Variants in HMCN1 observed in about 807,000 individuals in gnomAD.
The protein encoded by HMCN1 is hemicentin-1.
A neutral mutation model predicts 625.9 loss-of-function variants in HMCN1; 321 were observed. The observed-to-expected ratio is 0.51, with a 90% CI of 0.47 to 0.56. The LOEUF (loss-of-function observed/expected upper bound fraction) is 0.56, where lower values mean the gene tolerates loss of function less well. Among genes scored for constraint, HMCN1 ranks in the 20% least tolerant of loss-of-function variants. The pLI is 0.00. For missense variants in HMCN1, 6,588 were observed against 6,887.3 expected, an observed-to-expected ratio of 0.96 and a Z score of 1.54; for synonymous variants, 2,425 against 2,417.6, an observed-to-expected ratio of 1.00 and a Z score of -0.09.
In HMCN1 at chr1:186,178,896, C is replaced by G. The variant is rs1652766981; in HGVS notation, c.16294+130C>G. ...TCAAGTTCGGAATGACTCAAAATTT[C>G]AAGACATTTATTTTGGCACCTAAAA... On this transcript the variant is annotated intron_variant, in intron 104 of 106. Transcript: ENST00000271588. The G allele has an allele frequency of 4.0e-6, 3 of 746,220 alleles. No homozygotes were observed. In the Admixed American group the frequency reaches 6.0e-5, roughly 15 times the overall value. 46.2% of individuals were successfully genotyped at this position (746,220 alleles called of 1,614,324 possible). A position where few individuals can be genotyped will look rare whatever the true frequency, so the allele number is the denominator to read the frequency against.
chr1:186,128,060 T>G lies in HMCN1; in HGVS notation c.12691-18T>G, dbSNP rs1661734547. The G allele has an allele frequency of 6.2e-7, 1 of 1,607,608 alleles. No homozygotes were observed. The highest frequency in any genetic ancestry group is 8.5e-7 in the Non-Finnish European group (1 of 1,174,644). On this transcript the variant is annotated intron_variant, in intron 82 of 106. Coordinates refer to ENST00000271588, the MANE Select transcript of HMCN1 (RefSeq NM_031935.3). Reference sequence around the variant, plus strand: ...TGGATGATTATGAAATTTTAAATGTTACTTTTTTTAATTTTAGCTGGAGGA... The same window carrying G: ...TGGATGATTATGAAATTTTAAATGTGACTTTTTTTAATTTTAGCTGGAGGA...
At chr1:186,051,652 T>C (rs925841406) in intron 42 of HMCN1, among the ~76,000 whole-genome samples, 30 of 152,054 alleles carry the variant, frequency 2.0e-4, no homozygotes, top group African/African-American at 6.8e-4. Flanking sequence ...CAGAGTAAAC[T>C]GTAGGACTCA....
At position 186,001,618 on chromosome 1, in the gene HMCN1, A is replaced by T. The variant is rs1009665439; in HGVS notation, c.4225A>T (p.Thr1409Ser). Residue 1409 changes from threonine to serine, a missense_variant, in exon 28 of 107, where the codon ACT (threonine) becomes TCT (serine). By Grantham distance (58) the Thr-to-Ser change is moderately conservative. Coordinates refer to ENST00000271588, the MANE Select transcript of HMCN1 (RefSeq NM_031935.3). ...GGTGACTGAAAGCAGCACTATTCAG[A>T]CTGTGAACAATGGGAAGATACTGAA... is the stretch of plus-strand genomic sequence containing the variant. ...VQVTESSTIQ[T>S]VNNGKILKLF... 1 of 1,613,214 alleles carries T rather than the reference A, an allele frequency of 6.2e-7. No individual in the cohort carries two copies. Among genetic ancestry groups the T allele is most frequent in the African/African-American group, 1.3e-5 (1 of 74,994 alleles).
At chr1:185,744,612 T>C (rs1270412874) in intron 1 of HMCN1, among the ~76,000 whole-genome samples, 2 of 152,210 alleles carry the variant, frequency 1.3e-5, no homozygotes. Context: ...TAAATTACAA[T>C]ATACTATACT....
intron 36 of HMCN1, among the ~76,000 whole-genome samples, chr1:186,031,108 T>G (rs1258818284): frequency 1.3e-5 from 2 of 152,056 alleles, no homozygotes; most frequent in African/African-American, 4.8e-5. Context: ...CCAGTGAACT[T>G]TATTCTTTTG....
intron 12 of HMCN1, 74 bp downstream of exon 12, chr1:185,962,733 T>G: frequency 2.3e-6 from 2 of 853,104 alleles, no homozygotes; most frequent in South Asian, 2.6e-5. Flanking sequence ...CAAACTAATA[T>G]GACCAAATCC....
At chr1:185,741,875 C>T (rs575646118) in intron 1 of HMCN1, among the ~76,000 whole-genome samples, 1 of 152,242 alleles carries the variant, frequency 6.6e-6, no homozygotes, top group East Asian at 1.9e-4. Flanking sequence ...ATTATATTGC[C>T]GTGTCCAACT....
intron 4 of HMCN1, among the ~76,000 whole-genome samples, chr1:185,878,106 C>G (rs955282101): frequency 6.6e-6 from 1 of 152,138 alleles, no homozygotes; most frequent in Non-Finnish European, 1.5e-5. Flanking sequence ...ATTTCATATT[C>G]TGAAATCTTG....
intron 29 of HMCN1, among the ~76,000 whole-genome samples, chr1:186,006,443 T>A (rs1653639097): frequency 6.6e-6 from 1 of 152,114 alleles, no homozygotes; most frequent in Admixed American, 6.6e-5. Flanking sequence ...AACCAAATTT[T>A]AAAATAAAAC....
chr1:185,734,732 C>G lies in HMCN1; in HGVS notation c.-48C>G, dbSNP rs1221316619. The G allele has an allele frequency of 6.3e-7, 1 of 1,595,182 alleles. No homozygotes were observed. Among genetic ancestry groups the G allele is most frequent in the Non-Finnish European group, 8.6e-7 (1 of 1,164,460 alleles). On this transcript the variant is annotated 5_prime_UTR_variant, in exon 1 of 107. Coordinates refer to ENST00000271588, the MANE Select transcript of HMCN1 (RefSeq NM_031935.3). The stretch of plus-strand genomic sequence containing the variant: ...CTGCCTGTTGTTGAGGAGGACTGAG[C>G]ACAGTGCTTAGGCGCTGAGGGGGAA...
chr1:186,142,372 G>C (rs907638844), intron 89 of HMCN1, among the ~76,000 whole-genome samples: 1 of 152,144 alleles, frequency 6.6e-6, no homozygotes, highest in African/African-American at 2.4e-5. Context: ...GTATTCCATG[G>C]CACGTATGGT....
rs781540721 is a variant in HMCN1 at position 186,054,007 on chromosome 1, G to T, written c.6862+21G>T. 17 of 1,609,250 alleles carry T rather than the reference G, an allele frequency of 1.1e-5. No homozygotes were observed. In the East Asian group the frequency reaches 3.8e-4, roughly 36 times the overall value. ...TTACAGTAAGTTGTTGATTAGCCAG[G>T]CTTTGGCAAAATGTTCTCTTAAATC... is the stretch of plus-strand genomic sequence containing the variant. On this transcript the variant is annotated intron_variant, in intron 44 of 106. Transcript: ENST00000271588.
chr1:185,958,676 A>G (rs1024274779), intron 11 of HMCN1, among the ~76,000 whole-genome samples: 1 of 152,218 alleles, frequency 6.6e-6, no homozygotes, highest in African/African-American at 2.4e-5. Flanking sequence ...TAATAATGCT[A>G]TGAGGTAGGT....
chr1:186,023,174 T>C, intron 36 of HMCN1, 21 bp downstream of exon 36: 1 of 1,605,678 alleles, frequency 6.2e-7, no homozygotes, highest in Non-Finnish European at 8.5e-7. Context: ...TTCTACACCT[T>C]AACAAAAGAA....
At chr1:186,086,803 AGATAGATAGAT>A (rs1309872003) in intron 58 of HMCN1, among the ~76,000 whole-genome samples, 4 of 24,798 alleles carry the variant, frequency 1.6e-4, no homozygotes, top group African/African-American at 1.2e-3. Context: ...GATGATAGAT[AGATAGATAGAT>A]GATAGATAGA....
chr1:185,840,966 T>C lies in HMCN1; in HGVS notation c.269-5060T>C, dbSNP rs1036226080. On this transcript the variant is annotated intron_variant, in intron 1 of 106. Transcript: ENST00000271588. Reference sequence around the variant, plus strand: ...TTCCTCTCATTATCAAGGAACCACTTTGAGTAAAGAAAAACTACAAGTAGC... The same window carrying C: ...TTCCTCTCATTATCAAGGAACCACTCTGAGTAAAGAAAAACTACAAGTAGC... Among the ~76,000 whole-genome samples, 4 of 152,090 alleles carry C rather than the reference T, an allele frequency of 2.6e-5. No homozygotes were observed. In the South Asian group the frequency reaches 8.3e-4, roughly 32 times the overall value.
intron 4 of HMCN1, among the ~76,000 whole-genome samples, chr1:185,871,747 TA>T (rs10600470): frequency 1.4e-4 from 21 of 152,002 alleles, no homozygotes; most frequent in Non-Finnish European, 2.8e-4. Flanking sequence ...GTTCAATACT[TA>T]AAAAAAACTG....
intron 36 of HMCN1, among the ~76,000 whole-genome samples, chr1:186,030,853 C>T (rs1655383736): frequency 6.6e-6 from 1 of 151,674 alleles, no homozygotes; most frequent in African/African-American, 2.4e-5. Flanking sequence ...TAGTTTTCCT[C>T]AGTATTATAA....
intron 100 of HMCN1, among the ~76,000 whole-genome samples, 176 bp from the exon 101 acceptor site, chr1:186,171,161 C>T (rs1305840144): frequency 6.6e-6 from 1 of 152,138 alleles, no homozygotes; most frequent in East Asian, 1.9e-4. Flanking sequence ...GGGAGATACC[C>T]TCTCCAACAA....
Sources: gnomAD v4.1 joint callset for allele counts (sites outside exome capture counted in the v4.1 genomes callset) on GRCh38, gnomAD v4.1.1 for gene constraint, MANE v1.5 for transcripts, NCBI Gene and HGNC (gene_info 2026-07-23, HGNC 2026-07-21) for gene names.